TCF20: variants seen among roughly 807,000 people sequenced by gnomAD.
TCF20 encodes SPRE-binding protein.
TCF20 carries 3 observed loss-of-function variants against 148.6 expected under a neutral mutation model. That is an observed-to-expected ratio of 0.02 (90% confidence interval 0.01 to 0.05). The LOEUF (loss-of-function observed/expected upper bound fraction) is 0.05. Among genes scored for constraint, TCF20 ranks in the 10% least tolerant of loss-of-function variants. The pLI is 1.00. For synonymous variants in TCF20, 1,049 were observed against 909.5 expected (o/e 1.15, Z -2.76); for missense variants, 2,350 against 2,429.3 (o/e 0.97, Z 0.69).
chr22:42,202,711 T>C (rs571365393), intron 2 of TCF20, among the ~76,000 whole-genome samples: 8 of 152,342 alleles, frequency 5.3e-5, no homozygotes, highest in African/African-American at 1.7e-4. Context: ...GAACCTCCAT[T>C]TTCCTGAAAC....
At chr22:42,192,571 G>C (rs1437984766) in intron 2 of TCF20, among the ~76,000 whole-genome samples, 3 of 152,162 alleles carry the variant, frequency 2.0e-5, no homozygotes, top group Non-Finnish European at 4.4e-5. Flanking sequence ...AAATAGCAGA[G>C]TCCCAGCAGA....
chr22:42,276,854 G>T (rs994995305), intron 1 of TCF20: 3 of 152,162 alleles, frequency 2.0e-5, no homozygotes, highest in African/African-American at 7.2e-5. Flanking sequence ...AGCAGGAGCC[G>T]TGAATTCTCC....
intron 1 of TCF20, among the ~76,000 whole-genome samples, chr22:42,244,086 C>T (rs1211210629): frequency 6.6e-6 from 1 of 152,224 alleles, no homozygotes; most frequent in East Asian, 1.9e-4. Flanking sequence ...TACCTGTAAT[C>T]CCAGCTATTT....
chr22:42,209,062 G>C (rs1405414518), intron 2 of TCF20, among the ~76,000 whole-genome samples: 1 of 152,172 alleles, frequency 6.6e-6, no homozygotes, highest in Non-Finnish European at 1.5e-5. Flanking sequence ...CAGGAAGAAC[G>C]ACTGCAAGAC....
chr22:42,219,197 T>C (rs928049065), intron 1 of TCF20, among the ~76,000 whole-genome samples: 6 of 148,822 alleles, frequency 4.0e-5, no homozygotes, highest in African/African-American at 1.2e-4. Context: ...CAGCCTGGGT[T>C]AAAAAAAATT....
At chr22:42,195,117 T>C (rs937113318) in intron 2 of TCF20, among the ~76,000 whole-genome samples, 4 of 149,314 alleles carry the variant, frequency 2.7e-5, no homozygotes, top group African/African-American at 9.8e-5. Context: ...CCTGTTCTCT[T>C]GGGAGACCCT....
At chr22:42,200,451 G>C (rs568665675) in intron 2 of TCF20, among the ~76,000 whole-genome samples, 1 of 152,064 alleles carries the variant, frequency 6.6e-6, no homozygotes, top group African/African-American at 2.4e-5. Flanking sequence ...GGCCAGCCTG[G>C]CCAACATGGT....
chr22:42,281,973 G>A (rs1028923011), intron 1 of TCF20, among the ~76,000 whole-genome samples: 3 of 152,232 alleles, frequency 2.0e-5, no homozygotes, highest in Non-Finnish European at 2.9e-5. Context: ...CGTCTGTGTG[G>A]TCAGGACTGT....
In TCF20 at chr22:42,299,105, G is replaced by T. The variant is rs575752691; in HGVS notation, c.-37+44374C>A. Among the ~76,000 whole-genome samples, 4 of 152,336 alleles carry T rather than the reference G, an allele frequency of 2.6e-5. No individual in the cohort carries two copies. Among genetic ancestry groups the T allele is most frequent in the African/African-American group, 9.6e-5 (4 of 41,582 alleles). On this transcript the variant is annotated intron_variant, in intron 1 of 1. Transcript: ENST00000515426. The surrounding 1 kb of genome is among the most constrained non-coding windows in gnomAD (Gnocchi z 4.1). Reference sequence around the variant, plus strand: ...CTGCCCAGACCCCTGCTGTGGAGGGGAACGGAGACCTGGAGGGGTACCCCC... The same window carrying T: ...CTGCCCAGACCCCTGCTGTGGAGGGTAACGGAGACCTGGAGGGGTACCCCC...
intron 2 of TCF20, among the ~76,000 whole-genome samples, chr22:42,194,116 C>T (rs926595319): frequency 6.6e-6 from 1 of 152,070 alleles, no homozygotes; most frequent in African/African-American, 2.4e-5. Context: ...CCTTGGGGGT[C>T]CGTGGGAAAA....
intron 1 of TCF20, among the ~76,000 whole-genome samples, chr22:42,319,310 A>G (rs967812153): frequency 6.6e-6 from 1 of 152,048 alleles, no homozygotes; most frequent in Non-Finnish European, 1.5e-5. Context: ...AGGCATGGGG[A>G]TCTGGGGGCC....
intron 1 of TCF20, among the ~76,000 whole-genome samples, chr22:42,216,435 C>T (rs780951212): frequency 3.3e-5 from 5 of 152,130 alleles, no homozygotes; most frequent in Non-Finnish European, 5.9e-5. Flanking sequence ...CTGGTGACTC[C>T]AGGACACTCA....
intron 1 of TCF20, among the ~76,000 whole-genome samples, chr22:42,269,448 G>A (rs1288855045): frequency 6.6e-6 from 1 of 152,040 alleles, no homozygotes; most frequent in Non-Finnish European, 1.5e-5. Context: ...AGAGGAAGAC[G>A]GCCGCTCCTC....
chr22:42,262,778 G>GAC (rs563931997), intron 1 of TCF20, among the ~76,000 whole-genome samples: 110 of 152,224 alleles, frequency 7.2e-4, no homozygotes, highest in African/African-American at 2.6e-3. Flanking sequence ...ACCCTCCAGT[G>GAC]ACCTCTCAAG....
chr22:42,170,960 G>A (rs931047402), intron 3 of TCF20, among the ~76,000 whole-genome samples: 8 of 152,182 alleles, frequency 5.3e-5, no homozygotes, highest in African/African-American at 1.7e-4. Context: ...AGACACAGAA[G>A]CCTCCAACAC....
chr22:42,257,522 A>C (rs1925805808), intron 1 of TCF20, among the ~76,000 whole-genome samples: 1 of 152,064 alleles, frequency 6.6e-6, no homozygotes, highest in South Asian at 2.1e-4. Flanking sequence ...AAGGAGGGAG[A>C]AGTATTAGAG....
At chr22:42,232,892 T>G (rs1443966472) in intron 1 of TCF20, among the ~76,000 whole-genome samples, 1 of 152,146 alleles carries the variant, frequency 6.6e-6, no homozygotes, top group Non-Finnish European at 1.5e-5. Flanking sequence ...CAACTACTTT[T>G]ATTGAGTGTT....
intron 1 of TCF20, among the ~76,000 whole-genome samples, chr22:42,294,735 A>G (rs1023789876): frequency 3.3e-5 from 5 of 152,210 alleles, no homozygotes; most frequent in Admixed American, 1.3e-4. Flanking sequence ...AACTCTGTAG[A>G]TGAGGACAAT....
intron 1 of TCF20, among the ~76,000 whole-genome samples, chr22:42,332,455 G>A (rs560539080): frequency 5.3e-5 from 8 of 152,268 alleles, no homozygotes; most frequent in East Asian, 1.9e-4. Context: ...TGGGTTCGAC[G>A]GGGAGAGTGA....
Sources: allele counts gnomAD v4.1 joint callset (sites outside exome capture counted in the v4.1 genomes callset), GRCh38; gene constraint gnomAD v4.1.1; non-coding constraint Gnocchi (gnomAD v3.1); transcripts MANE v1.5; gene names NCBI Gene and HGNC (gene_info 2026-07-23, HGNC 2026-07-21).